NPTX1: variants seen among roughly 807,000 people sequenced by gnomAD.
NPTX1 encodes neuronal pentraxin-1.
In NPTX1, 12 loss-of-function variants were observed where a neutral mutation model predicts 38.7. That is an observed-to-expected ratio of 0.31 (90% confidence interval 0.20 to 0.50). The LOEUF is 0.50. NPTX1 is among the 20% of genes least tolerant of loss of function. The pLI is 0.98. For synonymous variants in NPTX1, 272 were observed against 264.9 expected (o/e 1.03, Z -0.26); for missense variants, 454 against 592.2 (o/e 0.77, Z 2.42).
rs1555704561 is a variant in NPTX1 at position 80,468,497 on chromosome 17, C to CCGCACCGGG, written c.*2307_*2315dup. 1.3e-5 allele frequency: 2 copies of CCGCACCGGG among 152,288 alleles called. No homozygotes were observed. Among genetic ancestry groups the CCGCACCGGG allele is most frequent in the African/African-American group, 2.4e-5 (1 of 41,456 alleles). The allele number at this position is 152,288 out of a possible 1,614,324, so 9.4% of individuals were successfully genotyped here. A position where few individuals can be genotyped will look rare whatever the true frequency, so the allele number is the denominator to read the frequency against. ...CTGGCAGGGGAGCACCCCACACAGC[C>CCGCACCGGG]CGCACCGGGCGTTGCCTACACAAGG... On this transcript the variant is annotated 3_prime_UTR_variant, in exon 5 of 5. Coordinates refer to ENST00000306773, the MANE Select transcript of NPTX1 (RefSeq NM_002522.4).
rs980250609 is a variant in NPTX1, at chr17:80,476,475, G to T, written c.-29C>A. ...TGCGGGCACCGGGCGCTCCGGGCCC[G>T]GCTCGGCTCGGCTGGGGCTCGGCTC... On this transcript the variant is annotated 5_prime_UTR_variant, in exon 1 of 5. Transcript: ENST00000306773. This position sits in a 1 kb window ranked among gnomAD's most constrained non-coding sequence, Gnocchi z 6.3. 52 of 1,164,160 alleles carry T rather than the reference G, an allele frequency of 4.5e-5. No homozygotes were observed. The African/African-American group carries it at 7.5e-4, about 17-fold the overall frequency. The allele number at this position is 1,164,160 out of a possible 1,614,324, so 72.1% of individuals were successfully genotyped here. A position where few individuals can be genotyped will look rare whatever the true frequency, so the allele number is the denominator to read the frequency against.
chr17:80,472,189 T>C (rs985535474), intron 3 of NPTX1, among the ~76,000 whole-genome samples: 1 of 152,044 alleles, frequency 6.6e-6, no homozygotes, highest in Admixed American at 6.5e-5. Context: ...CCCTCCTCCC[T>C]CTTTGCTAGT....
At chr17:80,473,587 C>G in intron 2 of NPTX1, 143 bp from the exon 3 acceptor site, 1 of 806,004 alleles carries the variant, frequency 1.2e-6, no homozygotes, top group Non-Finnish European at 2.0e-6. Context: ...CGGGTAGCTT[C>G]CCAGGTCAAG....
intron 4 of NPTX1, 94 bp from the exon 5 acceptor site, chr17:80,471,128 C>T (rs901661744): frequency 2.4e-5 from 23 of 966,836 alleles, no homozygotes; most frequent in Admixed American, 5.1e-5. Context: ...CTGTGCCTGC[C>T]CGATCACGGA....
intron 4 of NPTX1, 114 bp downstream of exon 4, chr17:80,471,618 G>A (rs2083842567): frequency 1.4e-6 from 2 of 1,466,062 alleles, no homozygotes; most frequent in African/African-American, 2.8e-5. Flanking sequence ...TCCCCGGGCT[G>A]CTTCTCAGGG....
At chr17:80,473,799 A>C in intron 2 of NPTX1, 1 of 300,754 alleles carries the variant, frequency 3.3e-6, no homozygotes, top group South Asian at 3.5e-5. Flanking sequence ...AAGCCAAGTC[A>C]ACCCAAGGAG....
Position 80,469,806 on chromosome 17 carries a change from TC to T in NPTX1, c.*1006del, listed in dbSNP as rs2083828809. On this transcript the variant is annotated 3_prime_UTR_variant, in exon 5 of 5. Transcript: ENST00000306773. ...AAACACGGCTTCTTTCCTTAAAAGGTCCCCTCTGGTCTGCACTGCCGGAGGC... is the reference window on the plus strand; with the variant it reads ...AAACACGGCTTCTTTCCTTAAAAGGTCCCTCTGGTCTGCACTGCCGGAGGC... The T allele has an allele frequency of 6.6e-6, 1 of 152,170 alleles. No homozygotes were observed. The highest frequency in any genetic ancestry group is 6.5e-5 in the Admixed American group (1 of 15,288). The allele number at this position is 152,170 out of a possible 1,614,324, so 9.4% of individuals were successfully genotyped here.
Position 80,476,208 on chromosome 17 carries a change from C to CGGATGGTCTCCTTCTGGCTCA in NPTX1, c.218_238dup (p.Leu73_Ile79dup), listed in dbSNP as rs1232817817. The CGGATGGTCTCCTTCTGGCTCA allele has an allele frequency of 6.3e-7, 1 of 1,575,026 alleles. No homozygotes were observed. ...GCGGCCCAGCTTGGCGGTCAGCTCG[C>CGGATGGTCTCCTTCTGGCTCA]GGATGGTCTCCTTCTGGCTCAGGAT... On this transcript the variant is annotated inframe_insertion, in exon 1 of 5. Transcript: ENST00000306773. The surrounding 1 kb of genome is among the most constrained non-coding windows in gnomAD (Gnocchi z 6.3).
rs2083845176 is a variant in NPTX1, at chr17:80,472,017, G to A, written c.898-106C>T. 5.8e-6 allele frequency: 6 copies of A among 1,039,816 alleles called. No individual in the cohort carries two copies. The Admixed American group carries it at 1.4e-4, about 24-fold the overall frequency. The allele number at this position is 1,039,816 out of a possible 1,614,324, so 64.4% of individuals were successfully genotyped here. On this transcript the variant is annotated intron_variant, in intron 3 of 4. Transcript: ENST00000306773. ...TCCTATCTCTACTTGCAAAGTAAAT[G>A]TCAATAACTATTACTGAATTCTCAC...
intron 2 of NPTX1, chr17:80,474,555 C>T (rs2083864113): frequency 6.6e-6 from 1 of 152,440 alleles, no homozygotes; most frequent in Admixed American, 6.5e-5. Context: ...CTCAGTGCAG[C>T]ACCCCAGCGG....
chr17:80,471,806 C>T lies in NPTX1; in HGVS notation c.1003G>A (p.Gly335Ser), dbSNP rs1216441891. 1 of 1,613,474 alleles carries T rather than the reference C, an allele frequency of 6.2e-7. No individual in the cohort carries two copies. The highest frequency in any genetic ancestry group is 8.5e-7 in the Non-Finnish European group (1 of 1,180,044). ...VWEAYQDGTQ[G>S]GSGENLAPYH... is the part of the protein sequence containing the mutation. Reference sequence around the variant, plus strand: ...GGCGCCAAGTTCTCGCCACTGCCACCCTGCGTGCCATCCTGGTAGGCCTCC... The same window carrying T: ...GGCGCCAAGTTCTCGCCACTGCCACTCTGCGTGCCATCCTGGTAGGCCTCC... The change falls in exon 4 of 5, where the codon GGT (glycine) becomes AGT (serine). Residue 335 changes from glycine (G) to serine (S), a missense_variant. By Grantham distance (56) the Gly-to-Ser change is moderately conservative (BLOSUM62 0). Coordinates refer to ENST00000306773, the MANE Select transcript of NPTX1 (RefSeq NM_002522.4).
At position 80,470,732 on chromosome 17, in the gene NPTX1, G is replaced by T; in HGVS notation, c.*81C>A. On this transcript the variant is annotated 3_prime_UTR_variant, in exon 5 of 5. Transcript: ENST00000306773. Reference sequence around the variant, plus strand: ...GCCTCGGTTCATTCCTGGGGAAAAGGGAGAGAAGAGACGCACAAAACAGAT... The same window carrying T: ...GCCTCGGTTCATTCCTGGGGAAAAGTGAGAGAAGAGACGCACAAAACAGAT... 1.0e-6 allele frequency: 1 copy of T among 999,626 alleles called. No individual in the cohort carries two copies. Among genetic ancestry groups the T allele is most frequent in the Non-Finnish European group, 1.5e-6 (1 of 670,032 alleles). The allele number at this position is 999,626 out of a possible 1,614,324, so 61.9% of individuals were successfully genotyped here.
Position 80,470,866 on chromosome 17 carries a change from T to C in NPTX1, c.1246A>G (p.Ile416Val), listed in dbSNP as rs979204063. Reference protein sequence around the residue: ...VIAWAESHIEIYGGATKWTFE... With the variant: ...VIAWAESHIEVYGGATKWTFE... ...GTCCACTTGGTGGCCCCTCCGTAGA[T>C]CTCGATGTGGGATTCAGCCCAGGCG... is the stretch of plus-strand genomic sequence containing the variant. The change falls in exon 5 of 5, where the codon ATC becomes GTC. Residue 416 changes from isoleucine to valine, a missense_variant. Coordinates refer to ENST00000306773, the MANE Select transcript of NPTX1 (RefSeq NM_002522.4). 2 of 1,609,226 alleles carry C rather than the reference T, an allele frequency of 1.2e-6. No homozygotes were observed. Among genetic ancestry groups the C allele is most frequent in the African/African-American group, 1.3e-5 (1 of 74,822 alleles).
rs1234860451 is a variant in NPTX1 at position 80,476,110 on chromosome 17, A to C, written c.337T>G (p.Ser113Ala). The C allele has an allele frequency of 3.1e-5, 49 of 1,601,136 alleles. No homozygotes were observed. Among genetic ancestry groups the C allele is most frequent in the Non-Finnish European group, 4.1e-5 (48 of 1,176,752 alleles). ...AGGTCGCCCATGGTGTTCTTGCCCG[A>C]GCCGGGCTGCTTGCGGCCGCCGCCC... ...RAGGGRKQPG[S>A]GKNTMGDLSR... Residue 113 changes from serine to alanine, a missense_variant, in exon 1 of 5, where the codon TCG becomes GCG. Coordinates refer to ENST00000306773, the MANE Select transcript of NPTX1 (RefSeq NM_002522.4). This position sits in a 1 kb window ranked among gnomAD's most constrained non-coding sequence, Gnocchi z 6.3.
rs2143035995 is a variant in NPTX1, at chr17:80,470,207, C to T, written c.*606G>A. ...CTTCAGAGACAGTTCACTTCTATTA[C>T]AAAATAAAAATTCTCTGTAGAGAGC... is the stretch of plus-strand genomic sequence containing the variant. On this transcript the variant is annotated 3_prime_UTR_variant, in exon 5 of 5. Transcript: ENST00000306773. The T allele has an allele frequency of 6.6e-6, 1 of 152,356 alleles. No individual in the cohort carries two copies. Among genetic ancestry groups the T allele is most frequent in the Admixed American group, 6.5e-5 (1 of 15,306 alleles). The allele number at this position is 152,356 out of a possible 1,614,324, so 9.4% of individuals were successfully genotyped here. A position where few individuals can be genotyped will look rare whatever the true frequency, so the allele number is the denominator to read the frequency against.
Position 80,467,112 on chromosome 17 carries a change from C to T in NPTX1, c.*3701G>A, listed in dbSNP as rs1272813002. The stretch of plus-strand genomic sequence containing the variant: ...AGTATATACATTATAACAATATCAA[C>T]CATAGGGGGTTTGCTTTTTTTTTTT... On this transcript the variant is annotated 3_prime_UTR_variant, in exon 5 of 5. Transcript: ENST00000306773. 1.4e-5 allele frequency: 2 copies of T among 144,824 alleles called. No homozygotes were observed. Among genetic ancestry groups the T allele is most frequent in the African/African-American group, 5.1e-5 (2 of 39,062 alleles). 9.0% of individuals were successfully genotyped at this position (144,824 alleles called of 1,614,324 possible).
intron 3 of NPTX1, among the ~76,000 whole-genome samples, chr17:80,472,219 C>T (rs997697510): frequency 6.6e-6 from 1 of 152,192 alleles, no homozygotes; most frequent in African/African-American, 2.4e-5. Flanking sequence ...AAGCCCTAGT[C>T]TACACCAGGG....
Position 80,475,570 on chromosome 17 carries a change from C to T in NPTX1, c.593G>A (p.Arg198Lys), listed in dbSNP as rs1205267788. The T allele has an allele frequency of 7.4e-6, 12 of 1,612,854 alleles. No homozygotes were observed. In the African/African-American group the frequency reaches 8.0e-5, roughly 11 times the overall value. ...KGGPRNDTEE[R>K]VKIETALTSL... is the part of the protein sequence containing the mutation. ...GGTCAGGGCGGTCTCGATCTTGACCCTCTCCTCGGTGTCGTTCCTGGGGCC... is the reference window on the plus strand; with the variant it reads ...GGTCAGGGCGGTCTCGATCTTGACCTTCTCCTCGGTGTCGTTCCTGGGGCC... Residue 198 changes from arginine (R) to lysine (K), a missense_variant, in exon 2 of 5, where the codon AGG (arginine) becomes AAG (lysine). Transcript: ENST00000306773. The surrounding 1 kb of genome is among the most constrained non-coding windows in gnomAD (Gnocchi z 6.5).
At chr17:80,472,038 C>T (rs753792909) in intron 3 of NPTX1, 127 bp from the exon 4 acceptor site, 4 of 888,662 alleles carry the variant, frequency 4.5e-6, no homozygotes, top group Non-Finnish European at 6.6e-6. Context: ...TTACTGAATT[C>T]TCACAGCACC....
Sources: allele counts gnomAD v4.1 joint callset (sites outside exome capture counted in the v4.1 genomes callset), GRCh38; gene constraint gnomAD v4.1.1; non-coding constraint Gnocchi (gnomAD v3.1); transcripts MANE v1.5; gene names NCBI Gene and HGNC (gene_info 2026-07-23, HGNC 2026-07-21).